CDH13: variants seen among roughly 807,000 people sequenced by gnomAD.
The protein encoded by CDH13 is cadherin-13.
Under a neutral mutation model 63.8 loss-of-function variants are expected in CDH13, and 24 were observed. The ratio of observed to expected loss-of-function variants is 0.38; its 90% CI spans 0.27 to 0.53. The LOEUF is 0.53. Among genes scored for constraint, CDH13 ranks in the 20% least tolerant of loss-of-function variants. The probability of loss-of-function intolerance (pLI) is 0.85; values close to 1 mark genes in which losing one functional copy is unlikely to be tolerated. For missense variants in CDH13, 1,049 were observed against 903.1 expected, an observed-to-expected ratio of 1.16 and a Z score of -2.07; for synonymous variants, 503 against 355.3, an observed-to-expected ratio of 1.42 and a Z score of -4.67.
chr16:82,952,320 C>T (rs1022569387), intron 2 of CDH13, among the ~76,000 whole-genome samples: 1 of 152,154 alleles, frequency 6.6e-6, no homozygotes, highest in African/African-American at 2.4e-5. Context: ...AATCATTGCA[C>T]CTCTGATAAA....
intron 7 of CDH13, among the ~76,000 whole-genome samples, chr16:83,564,388 T>C (rs57185423): frequency 0.06 from 8,791 of 145,494 alleles, 819 homozygotes; most frequent in African/African-American, 0.21. Flanking sequence ...AGGTGACATA[T>C]GGGATGACTC....
chr16:83,351,634 G>T (rs1018432704), intron 6 of CDH13, among the ~76,000 whole-genome samples: 1 of 152,108 alleles, frequency 6.6e-6, no homozygotes, highest in Non-Finnish European at 1.5e-5. Flanking sequence ...ATTTCCTATC[G>T]ATTTAAGTTG....
At chr16:83,053,899 A>G (rs576407757) in intron 3 of CDH13, among the ~76,000 whole-genome samples, 3 of 152,330 alleles carry the variant, frequency 2.0e-5, no homozygotes, top group Admixed American at 6.5e-5. Flanking sequence ...GTGTATGTAT[A>G]TAGTCACGTG....
chr16:83,024,436 T>C (rs1261038043), intron 2 of CDH13, among the ~76,000 whole-genome samples: 1 of 152,192 alleles, frequency 6.6e-6, no homozygotes, highest in Non-Finnish European at 1.5e-5. Flanking sequence ...GTCTGGAAGC[T>C]GAATGACTAA....
intron 10 of CDH13, among the ~76,000 whole-genome samples, chr16:83,701,683 C>G (rs1405047699): frequency 6.6e-6 from 1 of 152,210 alleles, no homozygotes; most frequent in Non-Finnish European, 1.5e-5. Context: ...CTTATCCTCT[C>G]TTCTTCCTCA....
At chr16:82,657,639 T>C (rs1022111155) in intron 1 of CDH13, among the ~76,000 whole-genome samples, 29 of 152,242 alleles carry the variant, frequency 1.9e-4, no homozygotes, top group African/African-American at 5.5e-4. Flanking sequence ...GTACATTTCA[T>C]GTACACAGTT....
intron 1 of CDH13, among the ~76,000 whole-genome samples, chr16:82,653,854 A>G (rs1911006359): frequency 2.0e-5 from 3 of 152,182 alleles, no homozygotes; most frequent in Non-Finnish European, 4.4e-5. Flanking sequence ...GTTCCGGAGA[A>G]GAAGACTGAA....
intron 5 of CDH13, among the ~76,000 whole-genome samples, chr16:83,267,663 C>T (rs2088665885): frequency 1.3e-5 from 2 of 152,316 alleles, no homozygotes; most frequent in South Asian, 4.1e-4. Flanking sequence ...TGCAAGCTCA[C>T]TCATCATATG....
intron 1 of CDH13, among the ~76,000 whole-genome samples, chr16:82,658,799 C>G (rs1021830637): frequency 1.3e-5 from 2 of 152,084 alleles, no homozygotes; most frequent in Non-Finnish European, 2.9e-5. Flanking sequence ...GGTACAAAGT[C>G]GATAGATTTT....
chr16:82,963,992 A>C (rs1375942928), intron 2 of CDH13, among the ~76,000 whole-genome samples: 1 of 152,180 alleles, frequency 6.6e-6, no homozygotes, highest in Non-Finnish European at 1.5e-5. Context: ...TCACACAGGG[A>C]ACACCAGTGC....
intron 2 of CDH13, among the ~76,000 whole-genome samples, chr16:82,967,876 A>G (rs1368657894): frequency 6.6e-6 from 1 of 152,202 alleles, no homozygotes; most frequent in Non-Finnish European, 1.5e-5. Context: ...GTAACTAACA[A>G]GGGTCTTGGA....
chr16:82,697,473 G>T (rs1185909349), intron 1 of CDH13, among the ~76,000 whole-genome samples: 1 of 145,344 alleles, frequency 6.9e-6, no homozygotes, highest in African/African-American at 2.6e-5. Flanking sequence ...TCTGTCACTG[G>T]GGCTGGAGTG....
At chr16:83,725,333 C>T (rs1415940054) in intron 10 of CDH13, 1 of 152,230 alleles carries the variant, frequency 6.6e-6, no homozygotes, top group Non-Finnish European at 1.5e-5. Context: ...CTAATCTATC[C>T]TTAGGCGTCA....
At chr16:82,678,335 AG>A (rs1249407419) in intron 1 of CDH13, among the ~76,000 whole-genome samples, 1 of 76,276 alleles carries the variant, frequency 1.3e-5, no homozygotes, top group African/African-American at 5.3e-5. Context: ...TTTTTTTTTT[AG>A]CTCTGAAAGC....
intron 4 of CDH13, among the ~76,000 whole-genome samples, chr16:83,205,708 G>C (rs28637437): frequency 1.3e-5 from 2 of 150,910 alleles, no homozygotes; most frequent in South Asian, 4.2e-4. Flanking sequence ...GATTTCAAGC[G>C]ATTCCCCTGC....
intron 5 of CDH13, among the ~76,000 whole-genome samples, chr16:83,218,082 A>G (rs1022992815): frequency 1.3e-5 from 2 of 152,228 alleles, no homozygotes; most frequent in Non-Finnish European, 2.9e-5. Context: ...CATGAGGTGT[A>G]TATGTTTAAC....
intron 6 of CDH13, among the ~76,000 whole-genome samples, chr16:83,357,756 G>A (rs1294511922): frequency 6.6e-6 from 1 of 152,214 alleles, no homozygotes; most frequent in Non-Finnish European, 1.5e-5. Context: ...TGGAGAAAAT[G>A]TGGAGTTTTA....
rs556847934 is a variant in CDH13 at position 83,439,450 on chromosome 16, T to C, written c.782-47027T>C. Among the ~76,000 whole-genome samples the C allele has an allele frequency of 7.2e-5, 11 of 152,312 alleles. No homozygotes were observed. The South Asian group carries it at 2.3e-3, about 32-fold the overall frequency. On this transcript the variant is annotated intron_variant, in intron 6 of 13. Coordinates refer to ENST00000567109, the MANE Select transcript of CDH13 (RefSeq NM_001257.5). ...GACATATAATTTGGGCTTGCATTAT[T>C]AGCTGCTTTGGCGGAAGGGTCACAA...
At chr16:82,645,115 C>T (rs1597206206) in intron 1 of CDH13, among the ~76,000 whole-genome samples, 1 of 152,080 alleles carries the variant, frequency 6.6e-6, no homozygotes, top group African/African-American at 2.4e-5. Context: ...ACTCACAGAT[C>T]ACACTTCTGA....
Sources: gnomAD v4.1 joint callset for allele counts (sites outside exome capture counted in the v4.1 genomes callset) on GRCh38, gnomAD v4.1.1 for gene constraint, MANE v1.5 for transcripts, NCBI Gene and HGNC (gene_info 2026-07-23, HGNC 2026-07-21) for gene names.